The following PRDM11 variants were observed in gnomAD, a reference collection of about 807,000 sequenced individuals.
PRDM11 encodes the protein PR/SET domain 11.
A neutral mutation model predicts 97.8 loss-of-function variants in PRDM11; 20 were observed. The ratio of observed to expected loss-of-function variants is 0.20; its 90% CI spans 0.14 to 0.30. The LOEUF is 0.30. Ranked by LOEUF, PRDM11 falls within the 10% of genes least tolerant of loss-of-function variation. PRDM11 has a pLI of 1.00. For missense variants in PRDM11, 1,139 were observed against 1,555.2 expected, an observed-to-expected ratio of 0.73 and a Z score of 4.50; for synonymous variants, 599 against 637.7, an observed-to-expected ratio of 0.94 and a Z score of 0.91.
intron 1 of PRDM11, among the ~76,000 whole-genome samples, chr11:45,139,755 G>A (rs1173479422): frequency 6.6e-6 from 1 of 152,022 alleles, no homozygotes; most frequent in Non-Finnish European, 1.5e-5. Flanking sequence ...ATATCCATTC[G>A]TTTATGTGCC....
At chr11:45,186,539 A>G (rs1275402207) in intron 4 of PRDM11, among the ~76,000 whole-genome samples, 1 of 152,148 alleles carries the variant, frequency 6.6e-6, no homozygotes, top group Non-Finnish European at 1.5e-5. Context: ...GAATCCTTGG[A>G]GGGAGAGGAG....
intron 4 of PRDM11, among the ~76,000 whole-genome samples, chr11:45,199,407 G>A (rs1384285715): frequency 1.3e-5 from 2 of 152,118 alleles, no homozygotes; most frequent in African/African-American, 4.8e-5. Flanking sequence ...AGATGCATGC[G>A]CGTTCTAACC....
At chr11:45,125,392 T>C (rs1852542398) in intron 1 of PRDM11, among the ~76,000 whole-genome samples, 1 of 152,320 alleles carries the variant, frequency 6.6e-6, no homozygotes, top group Non-Finnish European at 1.5e-5. Context: ...CTTTTGAATG[T>C]GTTTGCTCTT....
intron 1 of PRDM11, among the ~76,000 whole-genome samples, chr11:45,149,815 G>C (rs1056321957): frequency 1.3e-5 from 2 of 152,224 alleles, no homozygotes; most frequent in African/African-American, 4.8e-5. Flanking sequence ...AACCTTTGCT[G>C]TTTTAAACTG....
At chr11:45,127,192 T>C (rs886994983) in intron 1 of PRDM11, among the ~76,000 whole-genome samples, 16 of 152,356 alleles carry the variant, frequency 1.1e-4, no homozygotes, top group Non-Finnish European at 1.8e-4. Flanking sequence ...CTCCATCAGC[T>C]CCTTTAAGCA....
chr11:45,193,986 T>C (rs144411695), intron 4 of PRDM11, among the ~76,000 whole-genome samples: 16 of 152,352 alleles, frequency 1.1e-4, no homozygotes, highest in South Asian at 1.0e-3. Context: ...TTCTACATTT[T>C]GAGGCTTTGC....
intron 2 of PRDM11, 63 bp from the exon 3 acceptor site, chr11:45,182,183 C>T: frequency 6.9e-7 from 1 of 1,452,442 alleles, no homozygotes; most frequent in Middle Eastern, 1.8e-4. Context: ...AGCTTTTGTC[C>T]CCACTGGGCT....
In PRDM11 at chr11:45,227,822, A is replaced by G. The variant is rs1369785514; in HGVS notation, c.3197A>G (p.Gln1066Arg). 1.3e-6 allele frequency: 2 copies of G among 1,533,956 alleles called. No individual in the cohort carries two copies. Among genetic ancestry groups the G allele is most frequent in the East Asian group, 2.4e-5 (1 of 40,916 alleles). Reference protein sequence around the residue: ...DLISHICKYKQRFPLLNKIIQ... With the variant: ...DLISHICKYKRRFPLLNKIIQ... ...ATCAGCCACATTTGCAAGTACAAACAGAGGTTTCCACTCTTGAACAAGATC... is the reference window on the plus strand; with the variant it reads ...ATCAGCCACATTTGCAAGTACAAACGGAGGTTTCCACTCTTGAACAAGATC... Residue 1066 changes from glutamine to arginine, a missense_variant, in exon 8 of 8, where the codon CAG becomes CGG. By Grantham distance (43) the Gln-to-Arg change is conservative. This residue lies in a region of PRDM11 where 710 missense variants were observed against 1,044.9 expected (regional missense o/e 0.68). Transcript: ENST00000683152. The surrounding 1 kb of genome is among the most constrained non-coding windows in gnomAD (Gnocchi z 8.0).
rs200622827 is a variant in PRDM11 at position 45,204,825 on chromosome 11, G to A, written c.554+47G>A. Reference sequence around the variant, plus strand: ...TCCCGGGGGTCTTGCCTGGCCTCTGGAAAGGAGCCAAGGGAGTGTGTTGGA... The same window carrying A: ...TCCCGGGGGTCTTGCCTGGCCTCTGAAAAGGAGCCAAGGGAGTGTGTTGGA... On this transcript the variant is annotated intron_variant, in intron 5 of 7. Coordinates refer to ENST00000683152, the MANE Select transcript of PRDM11 (RefSeq NM_001384648.1). 1.6e-3 allele frequency: 2,457 copies of A among 1,546,404 alleles called. 40 individuals carry two copies. The South Asian group carries it at 0.02, about 12-fold the overall frequency.
At chr11:45,195,149 C>T (rs1260476409) in intron 4 of PRDM11, among the ~76,000 whole-genome samples, 2 of 151,982 alleles carry the variant, frequency 1.3e-5, no homozygotes, top group Non-Finnish European at 2.9e-5. Context: ...AAGATCGTTC[C>T]CTTCTCCTTG....
chr11:45,170,172 G>T (rs184276701), intron 1 of PRDM11, among the ~76,000 whole-genome samples: 21 of 152,174 alleles, frequency 1.4e-4, no homozygotes, highest in African/African-American at 4.8e-4. Context: ...GCGAAACTCC[G>T]TCTCTACTAA....
chr11:45,212,641 G>A (rs1335010265), intron 5 of PRDM11: 3 of 456,112 alleles, frequency 6.6e-6, no homozygotes, highest in African/African-American at 2.0e-5. Flanking sequence ...CCCATCCCTC[G>A]CCCCAGGCCC....
At chr11:45,150,865 A>G (rs1265387718) in intron 1 of PRDM11, among the ~76,000 whole-genome samples, 1 of 152,202 alleles carries the variant, frequency 6.6e-6, no homozygotes, top group Non-Finnish European at 1.5e-5. Context: ...AGCATGTCAC[A>G]TACCCTGCAC....
intron 4 of PRDM11, among the ~76,000 whole-genome samples, chr11:45,191,408 C>T (rs1852909157): frequency 6.6e-6 from 1 of 152,144 alleles, no homozygotes; most frequent in Non-Finnish European, 1.5e-5. Flanking sequence ...TTCTCTTCTA[C>T]ATTTATTATT....
At chr11:45,205,019 G>C (rs1326172529) in intron 5 of PRDM11, among the ~76,000 whole-genome samples, 1 of 152,198 alleles carries the variant, frequency 6.6e-6, no homozygotes, top group Non-Finnish European at 1.5e-5. Flanking sequence ...CTGCTCACTT[G>C]CCAGTGTGTC....
chr11:45,147,291 C>G (rs1022094344), intron 1 of PRDM11: 1 of 150,758 alleles, frequency 6.6e-6, no homozygotes, highest in African/African-American at 2.5e-5. Flanking sequence ...GTGACACGGA[C>G]GGGGCGGGGC....
At chr11:45,194,753 T>C (rs373891219) in intron 4 of PRDM11, among the ~76,000 whole-genome samples, 1,842 of 150,338 alleles carry the variant, frequency 0.012, 35 homozygotes, top group African/African-American at 0.043. Context: ...CGCCCGCCAC[T>C]ACGCCCGGCT....
In PRDM11 at chr11:45,219,950, C is replaced by G. The variant is rs1854071564; in HGVS notation, c.742+193C>G. The stretch of plus-strand genomic sequence containing the variant: ...GGGGCCACCCCAGCATGTTATCGAC[C>G]CCTAGAAATGGTCTCAGAAATCCTT... On this transcript the variant is annotated intron_variant, in intron 6 of 7. Transcript: ENST00000683152. The surrounding 1 kb of genome is among the most constrained non-coding windows in gnomAD (Gnocchi z 4.2). Among the ~76,000 whole-genome samples the G allele has an allele frequency of 6.6e-6, 1 of 152,096 alleles. No individual in the cohort carries two copies.
At chr11:45,149,755 C>T (rs1470480690) in intron 1 of PRDM11, among the ~76,000 whole-genome samples, 1 of 152,232 alleles carries the variant, frequency 6.6e-6, no homozygotes, top group Non-Finnish European at 1.5e-5. Context: ...TCACTCCGTG[C>T]GTGAAGCCCT....
Sources: allele counts gnomAD v4.1 joint callset (sites outside exome capture counted in the v4.1 genomes callset), GRCh38; gene constraint gnomAD v4.1.1; regional missense constraint gnomAD v4.1.1; non-coding constraint Gnocchi (gnomAD v3.1); transcripts MANE v1.5; gene names NCBI Gene and HGNC (gene_info 2026-07-23, HGNC 2026-07-21).